The following ENOX1 variants were observed in gnomAD, a reference collection of about 807,000 sequenced individuals.
ENOX1 encodes ecto-NOX disulfide-thiol exchanger 1.
Under a neutral mutation model 82.5 loss-of-function variants are expected in ENOX1, and 42 were observed. The observed-to-expected ratio is 0.51, with a 90% CI of 0.40 to 0.66. The LOEUF is 0.66. Among genes scored for constraint, ENOX1 ranks in the 30% least tolerant of loss-of-function variants. The probability of loss-of-function intolerance (pLI) is 0.00; values close to 1 mark genes in which losing one functional copy is unlikely to be tolerated. For missense variants in ENOX1, 608 were observed against 811.6 expected, an observed-to-expected ratio of 0.75 and a Z score of 3.05; for synonymous variants, 271 against 282.2, an observed-to-expected ratio of 0.96 and a Z score of 0.40.
Position 43,452,356 on chromosome 13 carries a change from G to A in ENOX1, c.-75+31653C>T, listed in dbSNP as rs1381504796. On this transcript the variant is annotated intron_variant, in intron 3 of 16. Transcript: ENST00000690772. ...CTCATTGTTCAACTCCCACTTATGA[G>A]TAAAAACATGCAGTGTTTGGTTTTC... is the stretch of plus-strand genomic sequence containing the variant. Among the ~76,000 whole-genome samples the A allele has an allele frequency of 2.6e-5, 4 of 152,060 alleles. No individual in the cohort carries two copies. In the East Asian group the frequency reaches 7.7e-4, roughly 29 times the overall value.
At chr13:43,304,794 G>C (rs2046771641) in intron 11 of ENOX1, among the ~76,000 whole-genome samples, 1 of 152,152 alleles carries the variant, frequency 6.6e-6, no homozygotes. Flanking sequence ...CAGAGCTCAA[G>C]AGCCTGAGTT....
intron 2 of ENOX1, among the ~76,000 whole-genome samples, chr13:43,584,583 T>C (rs190335876): frequency 6.6e-6 from 1 of 152,176 alleles, no homozygotes; most frequent in Non-Finnish European, 1.5e-5. Context: ...TTCCAACCAC[T>C]GTTGATACAC....
chr13:43,487,299 G>A (rs891097683), intron 2 of ENOX1, among the ~76,000 whole-genome samples: 34 of 152,108 alleles, frequency 2.2e-4, no homozygotes, highest in Non-Finnish European at 4.4e-4. Flanking sequence ...GGGGATGAAT[G>A]GAATCAAGAA....
At chr13:43,472,836 A>C (rs563141454) in intron 3 of ENOX1, among the ~76,000 whole-genome samples, 25 of 152,366 alleles carry the variant, frequency 1.6e-4, no homozygotes, top group African/African-American at 6.0e-4. Flanking sequence ...TGTTCTAAGT[A>C]CAGAGTAATG....
intron 9 of ENOX1, among the ~76,000 whole-genome samples, chr13:43,332,889 C>T (rs2048487914): frequency 6.6e-6 from 1 of 152,068 alleles, no homozygotes; most frequent in Non-Finnish European, 1.5e-5. Context: ...GTCTACCTTC[C>T]CATCTTGACA....
chr13:43,495,484 AATCTTCCAGTAGTT>A (rs1387570908), intron 2 of ENOX1, among the ~76,000 whole-genome samples: 6 of 152,022 alleles, frequency 3.9e-5, no homozygotes, highest in Non-Finnish European at 8.8e-5. Context: ...ATTCTTGTTA[AATCTTCCAGTAGTT>A]AATTCATAAG....
At position 43,472,037 on chromosome 13, in the gene ENOX1, GA is replaced by G. The variant is rs561682832; in HGVS notation, c.-75+11971del. 1.3e-3 allele frequency among the ~76,000 whole-genome samples: 199 copies of G among 151,180 alleles called. 1 individual carries two copies. Among genetic ancestry groups the G allele is most frequent in the African/African-American group, 4.5e-3 (186 of 41,206 alleles). On this transcript the variant is annotated intron_variant, in intron 3 of 16. Coordinates refer to ENST00000690772, the MANE Select transcript of ENOX1 (RefSeq NM_001347969.2). Reference sequence around the variant, plus strand: ...AAAAAAAAGAAAAGAAAAATTAAAAGAAAAAAAGAGAAAGCAATCCCAGCTT... The same window carrying G: ...AAAAAAAAGAAAAGAAAAATTAAAAGAAAAAAGAGAAAGCAATCCCAGCTT...
intron 5 of ENOX1, among the ~76,000 whole-genome samples, chr13:43,377,679 A>C (rs1440299057): frequency 6.6e-6 from 1 of 152,218 alleles, no homozygotes; most frequent in Non-Finnish European, 1.5e-5. Flanking sequence ...GCATTTTTGC[A>C]TACCTTATTT....
intron 2 of ENOX1, among the ~76,000 whole-genome samples, chr13:43,527,332 A>C (rs1356216176): frequency 6.6e-6 from 1 of 152,106 alleles, no homozygotes; most frequent in Non-Finnish European, 1.5e-5. Flanking sequence ...CTTCATATTC[A>C]CAATGTCACA....
At chr13:43,543,483 T>C (rs2078834088) in intron 2 of ENOX1, among the ~76,000 whole-genome samples, 2 of 152,030 alleles carry the variant, frequency 1.3e-5, no homozygotes. Flanking sequence ...TAAAATGCTT[T>C]TCATATTACG....
intron 2 of ENOX1, among the ~76,000 whole-genome samples, chr13:43,543,403 A>G (rs1408953247): frequency 6.6e-6 from 1 of 152,082 alleles, no homozygotes; most frequent in Admixed American, 6.6e-5. Context: ...TTCATGAAAT[A>G]TTTTGTTTCA....
At chr13:43,763,433 G>T (rs7321106) in intron 1 of ENOX1, among the ~76,000 whole-genome samples, 15,580 of 152,040 alleles carry the variant, frequency 0.1, 1,398 homozygotes, top group African/African-American at 0.24. Context: ...TCTAATTACC[G>T]GTGGATTAGG....
chr13:43,251,683 G>A (rs910214306), intron 14 of ENOX1, among the ~76,000 whole-genome samples: 2 of 152,152 alleles, frequency 1.3e-5, no homozygotes, highest in Non-Finnish European at 2.9e-5. Context: ...CAAAAAGGGC[G>A]ATAAGATAGA....
intron 1 of ENOX1, among the ~76,000 whole-genome samples, chr13:43,778,036 C>T (rs77869381): frequency 0.042 from 6,416 of 152,302 alleles, 127 homozygotes; most frequent in East Asian, 0.079. Flanking sequence ...TGCTGACCCA[C>T]TCCACCACTT....
At position 43,624,813 on chromosome 13, in the gene ENOX1, T is replaced by G. The variant is rs151270529; in HGVS notation, c.-219+42666A>C. ...TGATTACTGTATCTACATAATCTCA[T>G]AAAATTGCCTAGACTAAGTCCTTCC... On this transcript the variant is annotated intron_variant, in intron 2 of 16. Coordinates refer to ENST00000690772, the MANE Select transcript of ENOX1 (RefSeq NM_001347969.2). Among the ~76,000 whole-genome samples, 115 of 152,208 alleles carry G rather than the reference T, an allele frequency of 7.6e-4. 1 individual carries two copies. Among genetic ancestry groups the G allele is most frequent in the African/African-American group, 2.6e-3 (106 of 41,564 alleles).
chr13:43,487,799 C>T (rs964130479), intron 2 of ENOX1, among the ~76,000 whole-genome samples: 20 of 152,168 alleles, frequency 1.3e-4, no homozygotes, highest in Admixed American at 5.9e-4. Context: ...CTGTATTTTA[C>T]AAGCACAGAG....
At chr13:43,765,669 CACTT>C (rs1270151610) in intron 1 of ENOX1, among the ~76,000 whole-genome samples, 3 of 152,272 alleles carry the variant, frequency 2.0e-5, no homozygotes, top group East Asian at 3.9e-4. Context: ...ACTCAGTAAA[CACTT>C]ACGAAATAAA....
At chr13:43,607,112 C>T (rs997696038) in intron 2 of ENOX1, among the ~76,000 whole-genome samples, 2 of 152,014 alleles carry the variant, frequency 1.3e-5, no homozygotes, top group African/African-American at 2.4e-5. Flanking sequence ...TTGGATTGTT[C>T]GTAACAAAGA....
intron 1 of ENOX1, among the ~76,000 whole-genome samples, chr13:43,737,202 T>C (rs2089674480): frequency 6.6e-6 from 1 of 152,208 alleles, no homozygotes; most frequent in African/African-American, 2.4e-5. Flanking sequence ...TGCTACCTTC[T>C]AGAGTCTGTT....
Sources: allele counts gnomAD v4.1 joint callset (sites outside exome capture counted in the v4.1 genomes callset), GRCh38; gene constraint gnomAD v4.1.1; transcripts MANE v1.5; gene names NCBI Gene and HGNC (gene_info 2026-07-23, HGNC 2026-07-21).